LPL: variants seen among roughly 807,000 people sequenced by gnomAD.
LPL encodes phospholipase A1.
A neutral mutation model predicts 52.2 loss-of-function variants in LPL; 43 were observed. The ratio of observed to expected loss-of-function variants is 0.82; its 90% confidence interval spans 0.64 to 1.06. The LOEUF is 1.06. LPL is among the 50% of genes least tolerant of loss of function. LPL has a pLI of 0.00. For missense variants in LPL, 639 were observed against 585.3 expected (o/e 1.09, Z -0.95); for synonymous variants, 244 against 215.6 (o/e 1.13, Z -1.15).
Position 19,955,832 on chromosome 8 carries a change from T to G in LPL, c.776-9T>G. 6.2e-7 allele frequency: 1 copy of G among 1,614,176 alleles called. No homozygotes were observed. The highest frequency in any genetic ancestry group is 8.5e-7 in the Non-Finnish European group (1 of 1,180,024). On this transcript the variant is annotated splice_polypyrimidine_tract_variant and intron_variant, in intron 5 of 9. Coordinates refer to ENST00000650287, the MANE Select transcript of LPL (RefSeq NM_000237.3). ...CGAGATACAATCTTGGTGTCTCTTT[T>G]TTACCCAGATGTGGACCAGCTAGTG...
chr8:19,959,174 T>C (rs2070014747), intron 6 of LPL, 86 bp from the exon 7 acceptor site: 2 of 1,559,986 alleles, frequency 1.3e-6, no homozygotes, highest in Non-Finnish European at 1.8e-6. Context: ...AGTGAGATAC[T>C]TCTGTGGTTC....
In LPL at chr8:19,966,127, A is replaced by T. The variant is rs1253075812; in HGVS notation, c.*817A>T. ...ACACATAATTTGAATGGTGCAGAAA[A>T]AAAAAAAGAAACCGTAATTTTATTA... is the stretch of plus-strand genomic sequence containing the variant. On this transcript the variant is annotated 3_prime_UTR_variant, in exon 10 of 10. Coordinates refer to ENST00000650287, the MANE Select transcript of LPL (RefSeq NM_000237.3). 1 of 152,050 alleles carries T rather than the reference A, an allele frequency of 6.6e-6. No homozygotes were observed. The highest frequency in any genetic ancestry group is 1.5e-5 in the Non-Finnish European group (1 of 68,006). 9.4% of individuals were successfully genotyped at this position (152,050 alleles called of 1,614,324 possible).
rs1563569652 is a variant in LPL at position 19,948,351 on chromosome 8, C to T, written c.249+11C>T. The stretch of plus-strand genomic sequence containing the variant: ...ATCCATGGCTGGACGGTAAGGGAGG[C>T]TCTTTGGGGAAGAGTGGATTGGGGT... On this transcript the variant is annotated intron_variant, in intron 2 of 9. Transcript: ENST00000650287. 6.2e-7 allele frequency: 1 copy of T among 1,613,606 alleles called. No individual in the cohort carries two copies. The highest frequency in any genetic ancestry group is 8.5e-7 in the Non-Finnish European group (1 of 1,179,614).
chr8:19,943,464 T>C (rs149233602), intron 1 of LPL, among the ~76,000 whole-genome samples: 113 of 152,350 alleles, frequency 7.4e-4, no homozygotes, highest in African/African-American at 2.4e-3. Context: ...TCCCCATGTT[T>C]ATTCAGCCCT....
chr8:19,955,032 T>C (rs1277010624), intron 5 of LPL, among the ~76,000 whole-genome samples: 2 of 152,184 alleles, frequency 1.3e-5, no homozygotes, highest in Non-Finnish European at 2.9e-5. Context: ...GCCCCTTGCA[T>C]ACTTTATAGA....
Position 19,965,875 on chromosome 8 carries a change from G to A in LPL, c.*565G>A, listed in dbSNP as rs868173991. 6.5e-6 allele frequency: 1 copy of A among 152,738 alleles called. No homozygotes were observed. Among genetic ancestry groups the A allele is most frequent in the Non-Finnish European group, 1.5e-5 (1 of 68,486 alleles). The allele number at this position is 152,738 out of a possible 1,614,324, so 9.5% of individuals were successfully genotyped here. A position where few individuals can be genotyped will look rare whatever the true frequency, so the allele number is the denominator to read the frequency against. On this transcript the variant is annotated 3_prime_UTR_variant, in exon 10 of 10. Transcript: ENST00000650287. ...AGGAACATGTAACTTGGAGAGGGAC[G>A]AAGAAAGGGTCTGATAAACACAGAG...
chr8:19,952,763 G>T (rs1471641614), intron 3 of LPL, among the ~76,000 whole-genome samples: 1 of 152,116 alleles, frequency 6.6e-6, no homozygotes, highest in Non-Finnish European at 1.5e-5. Flanking sequence ...ATGTACCTCT[G>T]GTCCCTTCCA....
chr8:19,962,359 T>C, intron 9 of LPL, 140 bp downstream of exon 9: 1 of 714,068 alleles, frequency 1.4e-6, no homozygotes, highest in Admixed American at 2.0e-5. Flanking sequence ...TCTTTCTTAG[T>C]CCTTCTGCAT....
rs2069960656 is a variant in LPL at position 19,954,071 on chromosome 8, T to C, written c.542-49T>C. The C allele has an allele frequency of 2.2e-6, 3 of 1,341,458 alleles. No homozygotes were observed. In the South Asian group the frequency reaches 3.5e-5, roughly 16 times the overall value. The allele number at this position is 1,341,458 out of a possible 1,614,324, so 83.1% of individuals were successfully genotyped here. A position where few individuals can be genotyped will look rare whatever the true frequency, so the allele number is the denominator to read the frequency against. ...GATGAGCAGTGACATGCGAATGTCA[T>C]ACGAATGGAAATTTACAAATCTGTG... On this transcript the variant is annotated intron_variant, in intron 4 of 9. Transcript: ENST00000650287.
At chr8:19,949,394 T>G (rs2069912661) in intron 2 of LPL, among the ~76,000 whole-genome samples, 1 of 152,222 alleles carries the variant, frequency 6.6e-6, no homozygotes. Context: ...ATTTACTATG[T>G]TAACATAGTA....
Position 19,958,775 on chromosome 8 carries a change from A to C in LPL, c.1019-485A>C, listed in dbSNP as rs192934442. On this transcript the variant is annotated intron_variant, in intron 6 of 9. Coordinates refer to ENST00000650287, the MANE Select transcript of LPL (RefSeq NM_000237.3). ...TTAAGAGCATGGGCATGATCCTGTG[A>C]CCGGAAGCCCGCTTACAGTCAGGGT... Among the ~76,000 whole-genome samples, 55 of 152,274 alleles carry C rather than the reference A, an allele frequency of 3.6e-4. No individual in the cohort carries two copies. In the East Asian group the frequency reaches 0.01, roughly 28 times the overall value.
At chr8:19,952,862 T>A (rs1411011599) in intron 3 of LPL, among the ~76,000 whole-genome samples, 2 of 152,194 alleles carry the variant, frequency 1.3e-5, no homozygotes, top group Admixed American at 1.3e-4. Flanking sequence ...TGGGAAAATA[T>A]ATACCCATAT....
chr8:19,962,233 G>A lies in LPL; in HGVS notation c.1427+14G>A, dbSNP rs750305416. On this transcript the variant is annotated intron_variant, in intron 9 of 9. Transcript: ENST00000650287. Reference sequence around the variant, plus strand: ...GAAGTCAGGCTGGTGAGCATTCTGGGCTAAAGCTGACTGGGCATCCTGAGC... The same window carrying A: ...GAAGTCAGGCTGGTGAGCATTCTGGACTAAAGCTGACTGGGCATCCTGAGC... 5 of 1,605,220 alleles carry A rather than the reference G, an allele frequency of 3.1e-6. No individual in the cohort carries two copies. The highest frequency in any genetic ancestry group is 3.3e-5 in the Admixed American group (2 of 59,986).
chr8:19,966,458 G>C lies in LPL; in HGVS notation c.*1148G>C, dbSNP rs1185750424. On this transcript the variant is annotated 3_prime_UTR_variant, in exon 10 of 10. Transcript: ENST00000650287. ...TGGAGTACCATGAGGGTTGCTATTT[G>C]TTGTTTTTAACAACTAATCAAGAGT... 1 of 152,158 alleles carries C rather than the reference G, an allele frequency of 6.6e-6. No individual in the cohort carries two copies. Among genetic ancestry groups the C allele is most frequent in the Non-Finnish European group, 1.5e-5 (1 of 68,024 alleles). 9.4% of individuals were successfully genotyped at this position (152,158 alleles called of 1,614,324 possible). A position where few individuals can be genotyped will look rare whatever the true frequency, so the allele number is the denominator to read the frequency against.
intron 1 of LPL, among the ~76,000 whole-genome samples, chr8:19,942,119 G>C (rs571814232): frequency 6.6e-6 from 1 of 152,200 alleles, no homozygotes; most frequent in African/African-American, 2.4e-5. Flanking sequence ...AGTCAGGTAC[G>C]GGGGAAGAGC....
intron 2 of LPL, among the ~76,000 whole-genome samples, chr8:19,949,763 G>A (rs941645645): frequency 1.2e-4 from 19 of 152,320 alleles, no homozygotes; most frequent in Non-Finnish European, 2.5e-4. Context: ...GATGACAGGC[G>A]AGAGCCACTG....
At chr8:19,942,133 G>A (rs759873265) in intron 1 of LPL, among the ~76,000 whole-genome samples, 3 of 152,164 alleles carry the variant, frequency 2.0e-5, no homozygotes, top group Non-Finnish European at 2.9e-5. Context: ...GAAGAGCGGC[G>A]ATGGAAAATT....
Position 19,965,409 on chromosome 8 carries a change from T to C in LPL, c.*99T>C, listed in dbSNP as rs1323928563. ...CAAAACATACCCAGTGTTTGGGGTG[T>C]TTCAAAAGTGGATTTTCCTGAATAT... On this transcript the variant is annotated 3_prime_UTR_variant, in exon 10 of 10. Transcript: ENST00000650287. The C allele has an allele frequency of 5.2e-6, 4 of 765,038 alleles. No individual in the cohort carries two copies. In the African/African-American group the frequency reaches 6.8e-5, roughly 13 times the overall value. 47.4% of individuals were successfully genotyped at this position (765,038 alleles called of 1,614,324 possible).
chr8:19,951,356 A>G (rs939898911), intron 2 of LPL, among the ~76,000 whole-genome samples: 14 of 152,320 alleles, frequency 9.2e-5, no homozygotes, highest in Admixed American at 3.3e-4. Flanking sequence ...CCAACCTTGA[A>G]GGGAGGCGAA....
Sources: gnomAD v4.1 joint callset for allele counts (sites outside exome capture counted in the v4.1 genomes callset) on GRCh38, gnomAD v4.1.1 for gene constraint, MANE v1.5 for transcripts, NCBI Gene and HGNC (gene_info 2026-07-23, HGNC 2026-07-21) for gene names.